The following HCFC1 variants were observed in gnomAD, a reference collection of about 807,000 sequenced individuals.
HCFC1 encodes host cell factor 1.
HCFC1 carries 7 observed loss-of-function variants against 105.5 expected under a neutral mutation model. The observed-to-expected ratio is 0.07, with a 90% CI of 0.04 to 0.12. The LOEUF (loss-of-function observed/expected upper bound fraction) is 0.12, where lower values mean the gene tolerates loss of function less well. Among genes scored for constraint, HCFC1 ranks in the 10% least tolerant of loss-of-function variants. HCFC1 has a pLI of 1.00. For missense variants in HCFC1, 1,065 were observed against 1,823.6 expected, an observed-to-expected ratio of 0.58 and a Z score of 7.58; for synonymous variants, 918 against 828.1, an observed-to-expected ratio of 1.11 and a Z score of -1.86.
rs1557115185 is a variant in HCFC1, at chrX:153,956,901, G to A, written c.2496+17C>T. On this transcript the variant is annotated intron_variant, in intron 14 of 25. Coordinates refer to ENST00000310441, the MANE Select transcript of HCFC1 (RefSeq NM_005334.3). ...GCACTAGGACACTGGGCTGAGAGACGGCTGGGAGTGCCTCACCTGGGTCAC... is the reference window on the plus strand; with the variant it reads ...GCACTAGGACACTGGGCTGAGAGACAGCTGGGAGTGCCTCACCTGGGTCAC... 9.1e-6 allele frequency: 11 copies of A among 1,208,518 alleles called. No individual in the cohort carries two copies. Among genetic ancestry groups the A allele is most frequent in the Non-Finnish European group, 1.1e-5 (10 of 894,750 alleles).
Position 153,971,484 on chromosome X carries a change from C to T in HCFC1, c.-644G>A, listed in dbSNP as rs2065533655. 2 of 294,608 alleles carry T rather than the reference C, an allele frequency of 6.8e-6. No individual in the cohort carries two copies. The highest frequency in any genetic ancestry group is 4.8e-5 in the East Asian group (1 of 20,859). 24.3% of individuals were successfully genotyped at this position (294,608 alleles called of 1,213,427 possible). On this transcript the variant is annotated 5_prime_UTR_variant, in exon 1 of 26. Coordinates refer to ENST00000310441, the MANE Select transcript of HCFC1 (RefSeq NM_005334.3). ...GGCCGGTGGAACCAGCTCGAGCTCT[C>T]GAGGGCCGTTTGGGGGCTCGCGCCG...
chrX:153,960,204 G>A, intron 7 of HCFC1, 31 bp downstream of exon 7: 1 of 1,193,259 alleles, frequency 8.4e-7, no homozygotes. Context: ...GGAGGCTATG[G>A]GAGGAGGGGA....
Position 153,948,306 on chromosome X carries a change from G to A in HCFC1, c.*1041C>T, listed in dbSNP as rs1220173319. 1 of 111,537 alleles carries A rather than the reference G, an allele frequency of 9.0e-6. No homozygotes were observed. The highest frequency in any genetic ancestry group is 3.3e-5 in the African/African-American group (1 of 30,661). 9.2% of individuals were successfully genotyped at this position (111,537 alleles called of 1,213,427 possible). A position where few individuals can be genotyped will look rare whatever the true frequency, so the allele number is the denominator to read the frequency against. ...ATGAGGAATGAGCTGTCCTTCCTTT[G>A]TTCCAGCGGCCTGAGGACAGGCAAA... On this transcript the variant is annotated 3_prime_UTR_variant, in exon 26 of 26. Coordinates refer to ENST00000310441, the MANE Select transcript of HCFC1 (RefSeq NM_005334.3).
In HCFC1 at chrX:153,953,655, A is replaced by G; in HGVS notation, c.4449T>C (p.Ala1483=). ...TTTVSSTLTR[A]VTTVTQSTPV... The stretch of plus-strand genomic sequence containing the variant: ...GTGTGGACTGCGTCACGGTGGTCAC[A>G]GCCCGCGTCAGTGTGGAGGACACGG... Residue 1483 remains alanine (A), a synonymous_variant, in exon 18 of 26, where the codon GCT becomes GCC. Transcript: ENST00000310441. 8.3e-7 allele frequency: 1 copy of G among 1,210,551 alleles called. No homozygotes were observed. The highest frequency in any genetic ancestry group is 1.1e-6 in the Non-Finnish European group (1 of 895,161).
At chrX:153,953,065 G>C (rs782747140) in intron 18 of HCFC1, 107 bp from the exon 19 acceptor site, 1 of 636,300 alleles carries the variant, frequency 1.6e-6, no homozygotes, top group South Asian at 2.4e-5. Context: ...AGCCCTTGGG[G>C]CAGTCTCAGT....
At chrX:153,958,927 C>T (rs2065403301) in intron 9 of HCFC1, among the ~76,000 whole-genome samples, 161 bp from the exon 10 acceptor site, 1 of 112,699 alleles carries the variant, frequency 8.9e-6, no homozygotes, top group Non-Finnish European at 1.9e-5. Context: ...CTCTCCTGGC[C>T]CCAGACACAG....
At position 153,965,705 on chromosome X, in the gene HCFC1, T is replaced by TC. The variant is rs1248358915; in HGVS notation, c.194-980dup. Among the ~76,000 whole-genome samples, 3 of 112,364 alleles carry TC rather than the reference T, an allele frequency of 2.7e-5. No homozygotes were observed. In the East Asian group the frequency reaches 8.4e-4, roughly 31 times the overall value. On this transcript the variant is annotated intron_variant, in intron 1 of 25. Transcript: ENST00000310441. ...CACATGACTCAAGACGCAAGATGGG[T>TC]CCCCCAGGACGTGACAGGGCATGGG...
chrX:153,960,198 G>A, intron 7 of HCFC1, 37 bp from the exon 8 acceptor site: 3 of 1,195,518 alleles, frequency 2.5e-6, no homozygotes, highest in Admixed American at 2.2e-5. Context: ...GGGGCGGGAG[G>A]CTATGGGAGG....
Position 153,971,064 on chromosome X carries a change from T to C in HCFC1, c.-224A>G. ...TCTCCGCAAGAGCCGCCCGAAACTGTCGAGCGCCTAGGCTCAAGAAGCTGG... is the reference window on the plus strand; with the variant it reads ...TCTCCGCAAGAGCCGCCCGAAACTGCCGAGCGCCTAGGCTCAAGAAGCTGG... On this transcript the variant is annotated 5_prime_UTR_variant, in exon 1 of 26. Coordinates refer to ENST00000310441, the MANE Select transcript of HCFC1 (RefSeq NM_005334.3). 1 of 375,089 alleles carries C rather than the reference T, an allele frequency of 2.7e-6. No homozygotes were observed. Among genetic ancestry groups the C allele is most frequent in the Non-Finnish European group, 4.5e-6 (1 of 220,898 alleles). 30.9% of individuals were successfully genotyped at this position (375,089 alleles called of 1,213,427 possible).
intron 4 of HCFC1, 32 bp from the exon 5 acceptor site, chrX:153,962,338 A>G (rs2065437540): frequency 2.2e-5 from 23 of 1,042,607 alleles, no homozygotes; most frequent in Non-Finnish European, 3.1e-5. Context: ...AGGGTTACAC[A>G]AGGTAGACTG....
chrX:153,956,612 T>C lies in HCFC1; in HGVS notation c.2635+13A>G. 8.3e-7 allele frequency: 1 copy of C among 1,211,267 alleles called. No homozygotes were observed. Among genetic ancestry groups the C allele is most frequent in the Non-Finnish European group, 1.1e-6 (1 of 895,071 alleles). ...TCTAGGGGTGGCAGGGGACCTGGCC[T>C]ATGGGTACACACCTGTGGTGCCTTT... On this transcript the variant is annotated intron_variant, in intron 15 of 25. Coordinates refer to ENST00000310441, the MANE Select transcript of HCFC1 (RefSeq NM_005334.3).
chrX:153,964,408 G>A (rs2065457104), intron 2 of HCFC1, 124 bp from the exon 3 acceptor site: 5 of 873,719 alleles, frequency 5.7e-6, no homozygotes, highest in African/African-American at 2.0e-5. Flanking sequence ...GGAGCAAGAA[G>A]GTCCTGGGTG....
In HCFC1 at chrX:153,964,097, G is replaced by T. The variant is rs782339185; in HGVS notation, c.503+27C>A. The T allele has an allele frequency of 1.7e-4, 201 of 1,171,418 alleles. 1 individual carries two copies. The highest frequency in any genetic ancestry group is 1.2e-3 in the Admixed American group (53 of 43,593). ...ATGTGAGAGCACACCCACCCGGGGG[G>T]TTCCAGAGAAAAGGACCAAGCCTCA... is the stretch of plus-strand genomic sequence containing the variant. On this transcript the variant is annotated intron_variant, in intron 3 of 25. Transcript: ENST00000310441.
At chrX:153,968,679 T>A (rs1557119062) in intron 1 of HCFC1, among the ~76,000 whole-genome samples, 3 of 112,442 alleles carry the variant, frequency 2.7e-5, no homozygotes, top group Non-Finnish European at 1.9e-5. Flanking sequence ...AACTAATGAA[T>A]ATGCAGAGGC....
Position 153,971,565 on chromosome X carries a change from G to C in HCFC1, c.-725C>G. The C allele has an allele frequency of 3.4e-6, 1 of 294,104 alleles. No homozygotes were observed. The highest frequency in any genetic ancestry group is 6.1e-5 in the Admixed American group (1 of 16,399). 24.2% of individuals were successfully genotyped at this position (294,104 alleles called of 1,213,427 possible). A position where few individuals can be genotyped will look rare whatever the true frequency, so the allele number is the denominator to read the frequency against. ...TTAGTCCGCCTCTGCTGCTCAGGCT[G>C]CGCCTGCCGCCGTGGGAGCCGCCAT... On this transcript the variant is annotated 5_prime_UTR_variant, in exon 1 of 26. Coordinates refer to ENST00000310441, the MANE Select transcript of HCFC1 (RefSeq NM_005334.3).
chrX:153,960,296 G>A lies in HCFC1; in HGVS notation c.1023C>T (p.Asp341=), dbSNP rs781839670. The change falls in exon 7 of 26, where the codon GAC becomes GAT. Residue 341 remains aspartate, a synonymous_variant. Coordinates refer to ENST00000310441, the MANE Select transcript of HCFC1 (RefSeq NM_005334.3). ...GGTTGTTCCAGGCCTTGCGGTAGCC[G>A]TCACGCCCACTCCAAATGTACAGGC... ...NTRLYIWSGR[D]GYRKAWNNQV... 30 of 1,201,161 alleles carry A rather than the reference G, an allele frequency of 2.5e-5. No individual in the cohort carries two copies. Among genetic ancestry groups the A allele is most frequent in the African/African-American group, 1.8e-4 (10 of 56,849 alleles).
rs782231482 is a variant in HCFC1 at position 153,959,776 on chromosome X, C to A, written c.1444+26G>T. ...TCCCCGGAGGCTAGCCCCCTACTTT[C>A]AAACGTCCCTGGTCCCCTGGCTCAC... is the stretch of plus-strand genomic sequence containing the variant. On this transcript the variant is annotated intron_variant, in intron 8 of 25. Transcript: ENST00000310441. The A allele has an allele frequency of 3.5e-6, 4 of 1,148,047 alleles. No homozygotes were observed. In the African/African-American group the frequency reaches 7.3e-5, roughly 21 times the overall value. The allele number at this position is 1,148,047 out of a possible 1,213,427, so 94.6% of individuals were successfully genotyped here. A position where few individuals can be genotyped will look rare whatever the true frequency, so the allele number is the denominator to read the frequency against.
Position 153,954,968 on chromosome X carries a change from G to T in HCFC1, c.3431C>A (p.Pro1144His). 8.3e-7 allele frequency: 1 copy of T among 1,202,989 alleles called. No individual in the cohort carries two copies. Among genetic ancestry groups the T allele is most frequent in the Non-Finnish European group, 1.1e-6 (1 of 892,275 alleles). ...DARRACAAGT[P>H]AVIRISVATG... ...GGCCACACTGATCCGGATCACGGCA[G>T]GGGTGCCAGCTGCACAGGCCCGACG... is the stretch of plus-strand genomic sequence containing the variant. Residue 1144 changes from proline to histidine, a missense_variant, in exon 17 of 26, where the codon CCT becomes CAT. Physicochemically the swap from Pro to His is moderately conservative, Grantham distance 77 (BLOSUM62 -2). This residue lies in a region of HCFC1 where 546 missense variants were observed against 599.9 expected (regional missense o/e 0.91). Coordinates refer to ENST00000310441, the MANE Select transcript of HCFC1 (RefSeq NM_005334.3).
At position 153,954,535 on chromosome X, in the gene HCFC1, G is replaced by C; in HGVS notation, c.3864C>G (p.Val1288=). ...LLCPSATVTQ[V]CSNPPCETHE... is the part of the protein sequence containing the mutation. ...GGGTCTCACATGGTGGGTTGGAGCA[G>C]ACTTGGGTCACGGTGGCCGAGGGGC... Residue 1288 remains valine (V), a synonymous_variant, in exon 17 of 26, where the codon GTC becomes GTG. Coordinates refer to ENST00000310441, the MANE Select transcript of HCFC1 (RefSeq NM_005334.3). 1 of 1,211,706 alleles carries C rather than the reference G, an allele frequency of 8.3e-7. No individual in the cohort carries two copies. Among genetic ancestry groups the C allele is most frequent in the Non-Finnish European group, 1.1e-6 (1 of 895,284 alleles).
Sources: gnomAD v4.1 joint callset for allele counts (sites outside exome capture counted in the v4.1 genomes callset) on GRCh38, gnomAD v4.1.1 for gene constraint, gnomAD v4.1.1 regional missense constraint, MANE v1.5 for transcripts, NCBI Gene and HGNC (gene_info 2026-07-23, HGNC 2026-07-21) for gene names.